Variants in USP36 observed in about 807,000 individuals in gnomAD.
The protein encoded by USP36 is ubiquitin carboxyl-terminal hydrolase 36.
A neutral mutation model predicts 111.5 loss-of-function variants in USP36; 59 were observed. The ratio of observed to expected loss-of-function variants is 0.53; its 90% CI spans 0.43 to 0.66. The LOEUF is 0.66. USP36 is among the 30% of genes least tolerant of loss of function. USP36 has a pLI of 0.00. For missense variants in USP36, 1,488 were observed against 1,468.0 expected (o/e 1.01, Z -0.22); for synonymous variants, 628 against 581.0 (o/e 1.08, Z -1.16).
intron 7 of USP36, among the ~76,000 whole-genome samples, chr17:78,821,589 G>C (rs187537926): frequency 6.6e-6 from 1 of 151,534 alleles, no homozygotes; most frequent in African/African-American, 2.4e-5. Context: ...CACCGCGCCT[G>C]GCTGATTTTT....
In USP36 at chr17:78,814,617, T is replaced by C. The variant is rs2094138222; in HGVS notation, c.1024-65A>G. The C allele has an allele frequency of 4.5e-6, 7 of 1,567,670 alleles. No individual in the cohort carries two copies. The Admixed American group carries it at 1.2e-4, about 28-fold the overall frequency. ...TTGAGAGTAAAGATCAATTTGCCCTTTCCATCCACAACCACACAAAATGCC... is the reference window on the plus strand; with the variant it reads ...TTGAGAGTAAAGATCAATTTGCCCTCTCCATCCACAACCACACAAAATGCC... On this transcript the variant is annotated intron_variant, in intron 10 of 20. Coordinates refer to ENST00000449938, the MANE Select transcript of USP36 (RefSeq NM_001385174.1).
chr17:78,820,870 G>A, intron 8 of USP36, 121 bp downstream of exon 8: 1 of 1,059,140 alleles, frequency 9.4e-7, no homozygotes. Flanking sequence ...AAGGCGGCAG[G>A]GAGCAAAGGA....
chr17:78,800,684 G>A (rs544958957), intron 17 of USP36, among the ~76,000 whole-genome samples: 2 of 152,118 alleles, frequency 1.3e-5, no homozygotes. Flanking sequence ...CCTGCCCTTG[G>A]GTCTGGTGCC....
intron 9 of USP36, 52 bp downstream of exon 9, chr17:78,819,878 A>G: frequency 6.3e-7 from 1 of 1,577,650 alleles, no homozygotes; most frequent in Non-Finnish European, 8.7e-7. Context: ...AGGTGAGGGG[A>G]CTTATTTCCC....
At chr17:78,809,089 C>G (rs910246931) in intron 13 of USP36, among the ~76,000 whole-genome samples, 2 of 152,322 alleles carry the variant, frequency 1.3e-5, no homozygotes, top group Admixed American at 1.3e-4. Flanking sequence ...ATTCTCTGCA[C>G]ATGCACTAAA....
At chr17:78,835,144 G>T in intron 4 of USP36, 136 bp downstream of exon 4, 2 of 889,126 alleles carry the variant, frequency 2.2e-6, no homozygotes, top group African/African-American at 1.7e-5. Flanking sequence ...TTCAAATTTA[G>T]GTTTCATCAG....
At position 78,813,803 on chromosome 17, in the gene USP36, T is replaced by G. The variant is rs1346107263; in HGVS notation, c.1235A>C (p.Asn412Thr). Residue 412 changes from asparagine to threonine, a missense_variant, in exon 12 of 21, where the codon AAC becomes ACC. By Grantham distance (65) the Asn-to-Thr change is moderately conservative. Around this residue, in one of 3 missense-constraint regions of USP36, gnomAD observed 1,073 missense variants for 994.1 expected, o/e 1.08. Coordinates refer to ENST00000449938, the MANE Select transcript of USP36 (RefSeq NM_001385174.1). ...ATAGAACAGCACGTAGGCCTGCTGG[T>G]TCAGAACCACCTTGACGTTGCTGGA... is the stretch of plus-strand genomic sequence containing the variant. Reference protein sequence around the residue: ...VHSSNVKVVLNQQAYVLFYLR... With the variant: ...VHSSNVKVVLTQQAYVLFYLR... 16 of 1,614,022 alleles carry G rather than the reference T, an allele frequency of 9.9e-6. No individual in the cohort carries two copies. Among genetic ancestry groups the G allele is most frequent in the Non-Finnish European group, 1.4e-5 (16 of 1,180,020 alleles).
intron 4 of USP36, among the ~76,000 whole-genome samples, chr17:78,831,122 A>AGGC (rs778670762): frequency 6.3e-5 from 9 of 143,746 alleles, no homozygotes; most frequent in Non-Finnish European, 7.5e-5. Flanking sequence ...GCTACTCGGG[A>AGGC]GGCTGAGCCA....
intron 7 of USP36, chr17:78,821,405 T>C (rs937582364): frequency 1.7e-5 from 1 of 59,666 alleles, no homozygotes; most frequent in African/African-American, 8.8e-5. Flanking sequence ...TATATATATA[T>C]ATATATATAT....
In USP36 at chr17:78,807,406, G is replaced by C. The variant is rs150976064; in HGVS notation, c.1638C>G (p.Ser546=). ...VKKPAPPQHF[S]PRTAQGLPGT... ...CAGGCAGCCCCTGAGCAGTTCTGGG[G>C]GAAAAGTGCTGTGGAGGAGCTGGCT... The change falls in exon 14 of 21, where the codon TCC becomes TCG. Residue 546 remains serine, a synonymous_variant. Transcript: ENST00000449938. The C allele has an allele frequency of 6.6e-5, 106 of 1,614,174 alleles. No individual in the cohort carries two copies. The African/African-American group carries it at 1.3e-3, about 20-fold the overall frequency.
In USP36 at chr17:78,789,471, T is replaced by C. The variant is rs904362593; in HGVS notation, c.*21-1813A>G. Among the ~76,000 whole-genome samples the C allele has an allele frequency of 1.3e-5, 2 of 152,154 alleles. 1 individual carries two copies. The highest frequency in any genetic ancestry group is 4.1e-4 in the South Asian group (2 of 4,830). On this transcript the variant is annotated intron_variant, in intron 3 of 3. Transcript: ENST00000588130. ...CAGCTCTGCCAGGGAGCAAGCCTCCTGGACTTGCTAATTTTGCAGCATAGA... is the reference window on the plus strand; with the variant it reads ...CAGCTCTGCCAGGGAGCAAGCCTCCCGGACTTGCTAATTTTGCAGCATAGA...
At chr17:78,809,929 C>T (rs561847264) in intron 13 of USP36, among the ~76,000 whole-genome samples, 2 of 152,026 alleles carry the variant, frequency 1.3e-5, no homozygotes, top group Non-Finnish European at 2.9e-5. Flanking sequence ...TCACTGCAAC[C>T]TCCACCTCCC....
exon 4 of USP36, chr17:78,787,458 C>T (rs891239591): frequency 2.0e-5 from 3 of 152,178 alleles, no homozygotes; most frequent in African/African-American, 4.8e-5. Context: ...GCAGTCAGAA[C>T]GGTGGTATAT....
intron 8 of USP36, 137 bp downstream of exon 8, chr17:78,820,854 T>C: frequency 2.3e-6 from 2 of 881,436 alleles, no homozygotes; most frequent in South Asian, 2.8e-5. Context: ...CAATGGTCTG[T>C]ACTGCAAGGC....
At chr17:78,818,515 T>G (rs2094240542) in intron 10 of USP36, 152 bp downstream of exon 10, 1 of 642,960 alleles carries the variant, frequency 1.6e-6, no homozygotes, top group Non-Finnish European at 2.6e-6. Flanking sequence ...GAAACTACAG[T>G]CCCTACTTCA....
chr17:78,798,648 C>A lies in USP36; in HGVS notation c.3241-97G>T, dbSNP rs917655473. ...ATGCAGGTCCTGCACACAGGCCGGGCTCTCATGAGCTCTCTGGAGACCCAC... is the reference window on the plus strand; with the variant it reads ...ATGCAGGTCCTGCACACAGGCCGGGATCTCATGAGCTCTCTGGAGACCCAC... On this transcript the variant is annotated intron_variant, in intron 19 of 20. Coordinates refer to ENST00000449938, the MANE Select transcript of USP36 (RefSeq NM_001385174.1). This position sits in a 1 kb window ranked among gnomAD's most constrained non-coding sequence, Gnocchi z 5.1. 4.3e-5 allele frequency: 66 copies of A among 1,549,326 alleles called. No homozygotes were observed. The highest frequency in any genetic ancestry group is 5.7e-5 in the Non-Finnish European group (65 of 1,144,664).
rs1567915061 is a variant in USP36 at position 78,803,646 on chromosome 17, T to C, written c.2549A>G (p.Lys850Arg). 6.2e-7 allele frequency: 1 copy of C among 1,606,680 alleles called. No individual in the cohort carries two copies. The highest frequency in any genetic ancestry group is 8.5e-7 in the Non-Finnish European group (1 of 1,177,334). Residue 850 changes from lysine to arginine, a missense_variant, in exon 16 of 21, where the codon AAG (lysine) becomes AGG (arginine). Lys to Arg is a conservative substitution (Grantham distance 26, BLOSUM62 2). This residue lies in a region of USP36 where 1,073 missense variants were observed against 994.1 expected (regional missense o/e 1.08). Transcript: ENST00000449938. The surrounding 1 kb of genome is among the most constrained non-coding windows in gnomAD (Gnocchi z 4.6). Reference sequence around the variant, plus strand: ...GCTGGCAGCTGTGTCCTCCGGGCGCTTCTTCTTCTTCCTCTTCCTCTTCCC... The same window carrying C: ...GCTGGCAGCTGTGTCCTCCGGGCGCCTCTTCTTCTTCCTCTTCCTCTTCCC... ...PHGKRKRKKK[K>R]RPEDTAASAL...
At chr17:78,830,446 T>C (rs368566844) in intron 4 of USP36, among the ~76,000 whole-genome samples, 2 of 152,342 alleles carry the variant, frequency 1.3e-5, no homozygotes, top group South Asian at 4.1e-4. Context: ...TCTGCTATCA[T>C]AGACATTTTG....
chr17:78,835,097 C>T (rs779514952), intron 4 of USP36, among the ~76,000 whole-genome samples, 183 bp downstream of exon 4: 10 of 151,792 alleles, frequency 6.6e-5, no homozygotes, highest in East Asian at 5.8e-4. Flanking sequence ...CCCACCTGAC[C>T]GATTCACCTT....
Sources: allele counts gnomAD v4.1 joint callset (sites outside exome capture counted in the v4.1 genomes callset), GRCh38; gene constraint gnomAD v4.1.1; regional missense constraint gnomAD v4.1.1; non-coding constraint Gnocchi (gnomAD v3.1); transcripts MANE v1.5; gene names NCBI Gene and HGNC (gene_info 2026-07-23, HGNC 2026-07-21).